Variants in CECR2 observed in about 807,000 individuals in gnomAD.
CECR2 encodes the protein CECR2 histone acetyl-lysine reader, also known as chromatin remodeling regulator CECR2.
Under a neutral mutation model 154.5 loss-of-function variants are expected in CECR2, and 30 were observed. The observed-to-expected ratio is 0.19, with a 90% CI of 0.15 to 0.26. The LOEUF is 0.26. Ranked by LOEUF, CECR2 falls within the 10% of genes least tolerant of loss-of-function variation. CECR2 has a pLI of 1.00. For missense variants in CECR2, 1,743 were observed against 1,829.3 expected, an observed-to-expected ratio of 0.95 and a Z score of 0.86; for synonymous variants, 725 against 683.7, an observed-to-expected ratio of 1.06 and a Z score of -0.94.
At chr22:17,430,624 A>G (rs1022525424) in intron 1 of CECR2, among the ~76,000 whole-genome samples, 3 of 152,172 alleles carry the variant, frequency 2.0e-5, no homozygotes. Context: ...TGAGGAAAGA[A>G]GGGTTCATCC....
intron 1 of CECR2, among the ~76,000 whole-genome samples, chr22:17,411,764 G>A (rs973805117): frequency 6.6e-6 from 1 of 152,014 alleles, no homozygotes; most frequent in South Asian, 2.1e-4. Context: ...GAAGCAAAAA[G>A]AAAATAATTA....
At chr22:17,465,702 C>T (rs771921251) in intron 1 of CECR2, among the ~76,000 whole-genome samples, 1 of 152,118 alleles carries the variant, frequency 6.6e-6, no homozygotes, top group Non-Finnish European at 1.5e-5. Flanking sequence ...CCAGGCTGGT[C>T]ATGAACTCCT....
chr22:17,384,489 T>G (rs1298803506), intron 1 of CECR2, among the ~76,000 whole-genome samples: 3 of 152,322 alleles, frequency 2.0e-5, no homozygotes, highest in African/African-American at 7.2e-5. Flanking sequence ...ACCACATTAA[T>G]CTCCTTGTAT....
chr22:17,495,273 T>G (rs2055602847), intron 2 of CECR2, among the ~76,000 whole-genome samples: 1 of 152,170 alleles, frequency 6.6e-6, no homozygotes, highest in Admixed American at 6.5e-5. Flanking sequence ...ATTTAGGTAC[T>G]AATCAAAATA....
At chr22:17,432,709 C>T (rs905781375) in intron 1 of CECR2, among the ~76,000 whole-genome samples, 3 of 152,150 alleles carry the variant, frequency 2.0e-5, no homozygotes, top group Admixed American at 2.0e-4. Flanking sequence ...GATCAAAGGT[C>T]ACTGCAGCCT....
At chr22:17,531,160 GA>G (rs1388049683) in intron 9 of CECR2, among the ~76,000 whole-genome samples, 3 of 152,084 alleles carry the variant, frequency 2.0e-5, no homozygotes, top group Admixed American at 6.6e-5. Context: ...CTTCAGCAGG[GA>G]AAACATCACA....
At chr22:17,510,751 A>C (rs917337729) in intron 7 of CECR2, among the ~76,000 whole-genome samples, 2 of 152,030 alleles carry the variant, frequency 1.3e-5, no homozygotes, top group Admixed American at 1.3e-4. Context: ...ACAGGCACGC[A>C]CCACCATGCC....
chr22:17,518,194 T>G (rs2056093322), intron 8 of CECR2, among the ~76,000 whole-genome samples: 1 of 152,184 alleles, frequency 6.6e-6, no homozygotes, highest in Admixed American at 6.6e-5. Context: ...AGAGAGCCAT[T>G]CTGAGGAGCG....
intron 1 of CECR2, among the ~76,000 whole-genome samples, chr22:17,413,854 T>A (rs1409881320): frequency 2.1e-4 from 31 of 149,638 alleles, no homozygotes; most frequent in Admixed American, 3.4e-4. Context: ...TTTTTTTTTT[T>A]TTTTAGTAGA....
intron 17 of CECR2, among the ~76,000 whole-genome samples, chr22:17,550,051 C>A (rs908450314): frequency 1.3e-5 from 2 of 151,838 alleles, no homozygotes; most frequent in Admixed American, 1.3e-4. Context: ...AACTTAGAGC[C>A]CAACTTTATC....
chr22:17,510,665 G>C (rs1322975245), intron 7 of CECR2, among the ~76,000 whole-genome samples: 1 of 152,162 alleles, frequency 6.6e-6, no homozygotes, highest in Non-Finnish European at 1.5e-5. Flanking sequence ...GCAGTGGCAT[G>C]ATGTCGGCTC....
rs1280271348 is a variant in CECR2, at chr22:17,554,139, T to C, written c.*1299T>C. On this transcript the variant is annotated 3_prime_UTR_variant, in exon 19 of 19. Transcript: ENST00000262608. ...GTATTAAATTACTTTATTACAGTTG[T>C]AGAGTTGAATTACACTGGATTCTCC... The C allele has an allele frequency of 6.6e-6, 1 of 152,210 alleles. No homozygotes were observed. The highest frequency in any genetic ancestry group is 1.5e-5 in the Non-Finnish European group (1 of 68,036). The allele number at this position is 152,210 out of a possible 1,614,324, so 9.4% of individuals were successfully genotyped here.
At chr22:17,415,362 C>G (rs992899811) in intron 1 of CECR2, among the ~76,000 whole-genome samples, 1 of 152,140 alleles carries the variant, frequency 6.6e-6, no homozygotes, top group Non-Finnish European at 1.5e-5. Flanking sequence ...CTTAGCCTCC[C>G]AAGTAGCTGG....
At chr22:17,484,801 C>A (rs1394284386) in intron 2 of CECR2, among the ~76,000 whole-genome samples, 1 of 152,144 alleles carries the variant, frequency 6.6e-6, no homozygotes, top group South Asian at 2.1e-4. Flanking sequence ...TTGCTTGAAC[C>A]TGGAAGGCAG....
intron 1 of CECR2, among the ~76,000 whole-genome samples, chr22:17,456,195 A>T (rs911302537): frequency 1.3e-5 from 2 of 152,188 alleles, no homozygotes; most frequent in African/African-American, 2.4e-5. Flanking sequence ...AAAATACTAT[A>T]TTCTAAAATG....
intron 16 of CECR2, among the ~76,000 whole-genome samples, chr22:17,544,152 G>T (rs543515307): frequency 1.3e-5 from 2 of 152,210 alleles, no homozygotes; most frequent in South Asian, 4.1e-4. Flanking sequence ...GATCAGTTGA[G>T]CCCAGGAGTT....
chr22:17,404,289 A>C (rs1177758410), intron 1 of CECR2, among the ~76,000 whole-genome samples: 3 of 150,148 alleles, frequency 2.0e-5, no homozygotes, highest in Non-Finnish European at 4.4e-5. Flanking sequence ...CAAAAAAAAA[A>C]AAAAAAAGAC....
At chr22:17,427,798 A>G (rs1319752598) in intron 1 of CECR2, among the ~76,000 whole-genome samples, 4 of 151,814 alleles carry the variant, frequency 2.6e-5, no homozygotes, top group East Asian at 3.9e-4. Context: ...TGCATTTACA[A>G]TCCTCTAGCT....
chr22:17,483,164 C>A (rs2518766), intron 2 of CECR2, among the ~76,000 whole-genome samples: 36,977 of 152,132 alleles, frequency 0.24, 4,953 homozygotes, highest in Non-Finnish European at 0.31. Context: ...GACCCTGTGT[C>A]GGCCTAGGCC....
Sources: gnomAD v4.1 joint callset for allele counts (sites outside exome capture counted in the v4.1 genomes callset) on GRCh38, gnomAD v4.1.1 for gene constraint, MANE v1.5 for transcripts, NCBI Gene and HGNC (gene_info 2026-07-23, HGNC 2026-07-21) for gene names.